MAP2: variants seen among roughly 807,000 people sequenced by gnomAD.
MAP2 encodes microtubule-associated protein 2.
MAP2 carries 14 observed loss-of-function variants against 137.6 expected under a neutral mutation model. The ratio of observed to expected loss-of-function variants is 0.10; its 90% CI spans 0.07 to 0.16. The LOEUF (loss-of-function observed/expected upper bound fraction) is 0.16, where lower values mean the gene tolerates loss of function less well. Among genes scored for constraint, MAP2 ranks in the 10% least tolerant of loss-of-function variants. The probability of loss-of-function intolerance (pLI) is 1.00; values close to 1 mark genes in which losing one functional copy is unlikely to be tolerated. For synonymous variants in MAP2, 786 were observed against 782.3 expected (o/e 1.00, Z -0.08); for missense variants, 2,088 against 2,191.5 (o/e 0.95, Z 0.94).
Position 209,730,325 on chromosome 2 carries a change from C to T in MAP2, c.5412C>T (p.Asn1804=), listed in dbSNP as rs763429475. 1 of 1,614,124 alleles carries T rather than the reference C, an allele frequency of 6.2e-7. No homozygotes were observed. The highest frequency in any genetic ancestry group is 1.7e-5 in the Admixed American group (1 of 60,014). ...ATGTCTCCTCGTCTGGAAGCATCAACCTGCTCGAATCTCCTCAGCTTGCCA... is the reference window on the plus strand; with the variant it reads ...ATGTCTCCTCGTCTGGAAGCATCAATCTGCTCGAATCTCCTCAGCTTGCCA... ...LSNVSSSGSI[N]LLESPQLATL... The change falls in exon 16 of 16, where the codon AAC becomes AAT. Residue 1804 remains asparagine, a synonymous_variant. Coordinates refer to ENST00000682079, the MANE Select transcript of MAP2 (RefSeq NM_001375505.1).
intron 2 of MAP2, among the ~76,000 whole-genome samples, chr2:209,514,410 G>T (rs1328777909): frequency 6.6e-6 from 1 of 151,580 alleles, no homozygotes; most frequent in Non-Finnish European, 1.5e-5. Context: ...AGTATCAAAT[G>T]GCTGCAAAAG....
chr2:209,704,030 C>T (rs1402778309), intron 11 of MAP2: 4 of 455,216 alleles, frequency 8.8e-6, no homozygotes, highest in South Asian at 6.2e-5. Context: ...TTACGTGATG[C>T]TGAGGTTTGA....
At chr2:209,566,191 C>T (rs1055322588) in intron 2 of MAP2, among the ~76,000 whole-genome samples, 3 of 152,304 alleles carry the variant, frequency 2.0e-5, no homozygotes, top group African/African-American at 4.8e-5. Flanking sequence ...CATCAATACA[C>T]GTAAGTCCTG....
intron 5 of MAP2, among the ~76,000 whole-genome samples, chr2:209,660,597 G>A (rs1164955957): frequency 4.7e-5 from 7 of 147,986 alleles, no homozygotes; most frequent in Admixed American, 1.3e-4. Context: ...GGGTTTCACC[G>A]TGTTAGCCAG....
At chr2:209,484,502 C>G (rs569673247) in intron 1 of MAP2, among the ~76,000 whole-genome samples, 6 of 152,228 alleles carry the variant, frequency 3.9e-5, no homozygotes, top group African/African-American at 1.4e-4. Flanking sequence ...CCAGCCTAGC[C>G]AAGATGATGA....
chr2:209,450,827 G>A (rs746365232), intron 1 of MAP2, among the ~76,000 whole-genome samples: 1 of 152,030 alleles, frequency 6.6e-6, no homozygotes, highest in African/African-American at 2.4e-5. Flanking sequence ...CCTCAGTGTA[G>A]CTTATTAAAA....
Position 209,692,802 on chromosome 2 carries a change from A to T in MAP2, c.632A>T (p.Lys211Met). ...PETTKTYPDK[K>M]DMQGTEEEKA... is the part of the protein sequence containing the mutation. ...ACAACTAAAACTTACCCTGATAAAAAGGACATGCAAGGCACGGAAGAAGAA... is the reference window on the plus strand; with the variant it reads ...ACAACTAAAACTTACCCTGATAAAATGGACATGCAAGGCACGGAAGAAGAA... Residue 211 changes from lysine (K) to methionine (M), a missense_variant, in exon 8 of 16, where the codon AAG becomes ATG. Physicochemically the swap from Lys to Met is moderately conservative, Grantham distance 95 (BLOSUM62 -1). Transcript: ENST00000682079. The T allele has an allele frequency of 6.2e-7, 1 of 1,613,622 alleles. No individual in the cohort carries two copies. The highest frequency in any genetic ancestry group is 8.5e-7 in the Non-Finnish European group (1 of 1,179,836).
intron 2 of MAP2, among the ~76,000 whole-genome samples, chr2:209,544,839 A>T (rs1284553574): frequency 6.6e-6 from 1 of 152,218 alleles, no homozygotes; most frequent in Non-Finnish European, 1.5e-5. Flanking sequence ...AATAGATATT[A>T]TGTGCACATT....
At chr2:209,575,072 G>T (rs1488582099) in intron 2 of MAP2, among the ~76,000 whole-genome samples, 2 of 152,142 alleles carry the variant, frequency 1.3e-5, no homozygotes, top group Non-Finnish European at 2.9e-5. Flanking sequence ...CCAAGAGAAG[G>T]CATGATTTAT....
At chr2:209,439,733 C>G (rs142916596) in intron 1 of MAP2, among the ~76,000 whole-genome samples, 1 of 151,132 alleles carries the variant, frequency 6.6e-6, no homozygotes, top group Admixed American at 6.6e-5. Flanking sequence ...ATTTGAGAAC[C>G]GTTAGAAAGT....
chr2:209,678,182 T>A (rs1257141593), intron 5 of MAP2, among the ~76,000 whole-genome samples: 1 of 152,076 alleles, frequency 6.6e-6, no homozygotes, highest in African/African-American at 2.4e-5. Flanking sequence ...AAAGTACCAA[T>A]TACCTTCACA....
intron 7 of MAP2, among the ~76,000 whole-genome samples, chr2:209,689,708 A>G (rs1292322958): frequency 6.6e-6 from 1 of 152,178 alleles, no homozygotes; most frequent in Non-Finnish European, 1.5e-5. Flanking sequence ...TTTGAATTAC[A>G]GAAATAAGAC....
chr2:209,467,022 A>G (rs1261948891), intron 1 of MAP2, among the ~76,000 whole-genome samples: 1 of 152,166 alleles, frequency 6.6e-6, no homozygotes, highest in Non-Finnish European at 1.5e-5. Flanking sequence ...CACCTCTTCC[A>G]CACATTCTCC....
intron 2 of MAP2, among the ~76,000 whole-genome samples, chr2:209,526,278 A>T (rs537238393): frequency 6.6e-6 from 1 of 152,134 alleles, no homozygotes; most frequent in Non-Finnish European, 1.5e-5. Flanking sequence ...AAGTGACCTC[A>T]TGAAAATGCA....
intron 4 of MAP2, among the ~76,000 whole-genome samples, chr2:209,641,124 G>T (rs1328191745): frequency 6.6e-6 from 1 of 151,884 alleles, no homozygotes; most frequent in East Asian, 1.9e-4. Flanking sequence ...TGGCTCTCAG[G>T]TATCTCAAAC....
At chr2:209,697,872 G>A (rs750834197) in intron 10 of MAP2, among the ~76,000 whole-genome samples, 23 of 151,962 alleles carry the variant, frequency 1.5e-4, no homozygotes, top group Non-Finnish European at 2.9e-4. Flanking sequence ...TTCCCAAGAC[G>A]GAATCTCGCT....
intron 13 of MAP2, among the ~76,000 whole-genome samples, chr2:209,716,523 G>A (rs2067693304): frequency 6.6e-6 from 1 of 152,156 alleles, no homozygotes; most frequent in East Asian, 1.9e-4. Context: ...AAAACATTTT[G>A]AGATTTTTTG....
intron 2 of MAP2, among the ~76,000 whole-genome samples, chr2:209,514,797 A>C (rs111475246): frequency 4.6e-5 from 7 of 152,262 alleles, no homozygotes; most frequent in African/African-American, 1.7e-4. Flanking sequence ...TCAGTTATTC[A>C]CCTGAGAATA....
intron 1 of MAP2, among the ~76,000 whole-genome samples, chr2:209,471,725 A>G (rs1429784532): frequency 7.1e-6 from 1 of 140,408 alleles, no homozygotes; most frequent in Non-Finnish European, 1.5e-5. Context: ...CTTTTATTTG[A>G]TATATGTTAT....
Sources: gnomAD v4.1 joint callset for allele counts (sites outside exome capture counted in the v4.1 genomes callset) on GRCh38, gnomAD v4.1.1 for gene constraint, MANE v1.5 for transcripts, NCBI Gene and HGNC (gene_info 2026-07-23, HGNC 2026-07-21) for gene names.